Variants in ARHGAP25 observed in about 807,000 individuals in gnomAD.
ARHGAP25 encodes the protein Rho GTPase activating protein 25.
In ARHGAP25, 34 loss-of-function variants were observed where a neutral mutation model predicts 71.0. That is an observed-to-expected ratio of 0.48 (90% CI 0.36 to 0.64). ARHGAP25 has a LOEUF of 0.64. Ranked by LOEUF, ARHGAP25 falls within the 30% of genes least tolerant of loss-of-function variation. ARHGAP25 has a pLI of 0.00. For synonymous variants in ARHGAP25, 282 were observed against 296.5 expected (o/e 0.95, Z 0.50); for missense variants, 706 against 805.1 (o/e 0.88, Z 1.49).
chr2:68,778,942 G>A (rs547480073), intron 2 of ARHGAP25, among the ~76,000 whole-genome samples: 1 of 152,142 alleles, frequency 6.6e-6, no homozygotes, highest in African/African-American at 2.4e-5. Context: ...ACGGTTTAAG[G>A]CTGTGTAAGT....
chr2:68,725,339 T>C (rs1674857995), intron 2 of ARHGAP25, among the ~76,000 whole-genome samples: 2 of 152,114 alleles, frequency 1.3e-5, no homozygotes, highest in Admixed American at 6.5e-5. Flanking sequence ...TAATAATAAT[T>C]ATTGAAACAG....
chr2:68,750,173 A>AT (rs397971254), intron 1 of ARHGAP25, among the ~76,000 whole-genome samples: 117,516 of 143,116 alleles, frequency 0.82, 48,258 homozygotes, highest in Non-Finnish European at 0.83. Context: ...TGCCCGGCTG[A>AT]TTTTTTTTTT....
chr2:68,732,414 C>T (rs1489016608), upstream of ARHGAP25, among the ~76,000 whole-genome samples: 1 of 152,186 alleles, frequency 6.6e-6, no homozygotes, highest in Non-Finnish European at 1.5e-5. Flanking sequence ...GTGTCGAATT[C>T]CCCCGTGGAG....
At chr2:68,823,017 G>A in intron 10 of ARHGAP25, 145 bp downstream of exon 10, 2 of 837,048 alleles carry the variant, frequency 2.4e-6, no homozygotes, top group East Asian at 2.8e-5. Context: ...AAAGAAAAGA[G>A]TAAAGGGAAC....
chr2:68,746,606 G>A (rs979750000), intron 1 of ARHGAP25, among the ~76,000 whole-genome samples: 1 of 152,132 alleles, frequency 6.6e-6, no homozygotes, highest in African/African-American at 2.4e-5. Flanking sequence ...TCTGGGCTGG[G>A]GTGTCCACAT....
rs374622782 is a variant in ARHGAP25 at position 68,735,165 on chromosome 2, C to T, written c.-35C>T. Reference sequence around the variant, plus strand: ...AGGGCGCAAACTGTGACAGACTCACCGCTTCACTAACTACTCACTTAAACT... The same window carrying T: ...AGGGCGCAAACTGTGACAGACTCACTGCTTCACTAACTACTCACTTAAACT... On this transcript the variant is annotated 5_prime_UTR_variant, in exon 1 of 11. Coordinates refer to ENST00000409202, the MANE Select transcript of ARHGAP25 (RefSeq NM_001007231.3). 130 of 1,575,194 alleles carry T rather than the reference C, an allele frequency of 8.3e-5. 1 individual carries two copies. Among genetic ancestry groups the T allele is most frequent in the African/African-American group, 8.1e-4 (60 of 74,020 alleles).
chr2:68,723,610 G>A (rs1558598814), intron 2 of ARHGAP25, among the ~76,000 whole-genome samples: 1 of 152,156 alleles, frequency 6.6e-6, no homozygotes, highest in Non-Finnish European at 1.5e-5. Flanking sequence ...GTCCCACACT[G>A]CTAGCTGAGA....
chr2:68,754,772 GTTAGTTATTCTAA>G (rs1417622242), intron 1 of ARHGAP25, among the ~76,000 whole-genome samples: 1 of 152,028 alleles, frequency 6.6e-6, no homozygotes, highest in African/African-American at 2.4e-5. Context: ...AAAAATTTAT[GTTAGTTATTCTAA>G]TATATTTGTA....
intron 4 of ARHGAP25, among the ~76,000 whole-genome samples, chr2:68,794,129 A>G (rs1679377376): frequency 6.6e-6 from 1 of 152,150 alleles, no homozygotes; most frequent in South Asian, 2.1e-4. Flanking sequence ...ATATCCTGAA[A>G]CTTTACTGAA....
chr2:68,778,591 C>G (rs1466652803), intron 2 of ARHGAP25, among the ~76,000 whole-genome samples: 2 of 152,196 alleles, frequency 1.3e-5, no homozygotes, highest in Admixed American at 1.3e-4. Flanking sequence ...TTGGAGCCAT[C>G]AGGCGTAAGG....
chr2:68,755,744 T>C (rs4375900), intron 1 of ARHGAP25, among the ~76,000 whole-genome samples: 137,700 of 152,282 alleles, frequency 0.9, 62,399 homozygotes, highest in African/African-American at 0.92. Context: ...AAGAAAATGC[T>C]AAGAAAGAGG....
chr2:68,765,213 T>C (rs995837132), intron 1 of ARHGAP25, among the ~76,000 whole-genome samples: 2 of 152,170 alleles, frequency 1.3e-5, no homozygotes, highest in African/African-American at 4.8e-5. Flanking sequence ...TGCAGGGATA[T>C]GGAGGCGGAT....
At chr2:68,805,357 G>A (rs1680287263) in intron 4 of ARHGAP25, among the ~76,000 whole-genome samples, 1 of 152,062 alleles carries the variant, frequency 6.6e-6, no homozygotes, top group South Asian at 2.1e-4. Context: ...AATGCAATAA[G>A]TGAAACGAAC....
chr2:68,790,772 G>A (rs12477343), intron 4 of ARHGAP25, among the ~76,000 whole-genome samples: 1 of 151,990 alleles, frequency 6.6e-6, no homozygotes, highest in African/African-American at 2.4e-5. Flanking sequence ...TCGACAGAGC[G>A]GCCAGAGTGA....
intron 10 of ARHGAP25, 79 bp from the exon 11 acceptor site, chr2:68,825,908 A>G (rs1682091867): frequency 8.1e-7 from 1 of 1,229,806 alleles, no homozygotes; most frequent in Non-Finnish European, 1.1e-6. Context: ...GAAAATGAGC[A>G]GCAGGTTGTG....
At chr2:68,750,283 T>C (rs914190755) in intron 1 of ARHGAP25, among the ~76,000 whole-genome samples, 1 of 151,102 alleles carries the variant, frequency 6.6e-6, no homozygotes, top group Non-Finnish European at 1.5e-5. Context: ...AGTGGTGGGA[T>C]GACAGACATG....
chr2:68,810,726 CTTCTCT>C (rs200842419), intron 5 of ARHGAP25, among the ~76,000 whole-genome samples: 74,043 of 123,564 alleles, frequency 0.6, 20,295 homozygotes, highest in East Asian at 0.86. Flanking sequence ...CTTTTCTTTT[CTTCTCT>C]TTTTTTTTTT....
chr2:68,825,952 C>A, intron 10 of ARHGAP25, 35 bp from the exon 11 acceptor site: 2 of 1,552,556 alleles, frequency 1.3e-6, no homozygotes, highest in Non-Finnish European at 1.8e-6. Context: ...GAATGAATGC[C>A]ACATTCTTTC....
chr2:68,732,708 C>T (rs191350943), upstream of ARHGAP25, among the ~76,000 whole-genome samples: 3 of 152,212 alleles, frequency 2.0e-5, no homozygotes, highest in Non-Finnish European at 4.4e-5. Flanking sequence ...GGTGTACTTC[C>T]GGCCTCACTG....
Sources: allele counts gnomAD v4.1 joint callset (sites outside exome capture counted in the v4.1 genomes callset), GRCh38; gene constraint gnomAD v4.1.1; transcripts MANE v1.5; gene names NCBI Gene and HGNC (gene_info 2026-07-23, HGNC 2026-07-21).